Variants in EIF3K observed in about 807,000 individuals in gnomAD.
EIF3K encodes eukaryotic translation initiation factor 3 subunit K, also known as eIF-3 p28.
EIF3K carries 27 observed loss-of-function variants against 34.2 expected under a neutral mutation model. That is an observed-to-expected ratio of 0.79 (90% CI 0.58 to 1.09). The LOEUF (loss-of-function observed/expected upper bound fraction) is 1.09. Ranked by LOEUF, EIF3K falls within the 50% of genes least tolerant of loss-of-function variation. EIF3K has a pLI of 0.00. For synonymous variants in EIF3K, 105 were observed against 105.7 expected (o/e 0.99, Z 0.04); for missense variants, 232 against 275.4 (o/e 0.84, Z 1.11).
intron 6 of EIF3K, among the ~76,000 whole-genome samples, chr19:38,633,330 C>T (rs1976111523): frequency 6.6e-6 from 1 of 151,908 alleles, no homozygotes; most frequent in Non-Finnish European, 1.5e-5. Flanking sequence ...TTTTAAAGAT[C>T]CCCCCAAGAA....
Position 38,620,343 on chromosome 19 carries a change from TC to T in EIF3K, c.68del (p.Pro23LeufsTer11). ...KLLKGIDRYNPENLATLERYV... is the reference protein window; with the variant it reads ...KLLKGIDRYNXENLATLERYV... ...TATCTTGATTCTCCTTTAGGTACAATCCTGAGAACCTGGCCACCCTGGAGCG... is the reference window on the plus strand; with the variant it reads ...TATCTTGATTCTCCTTTAGGTACAATCTGAGAACCTGGCCACCCTGGAGCG... On this transcript the variant is annotated frameshift_variant, in exon 2 of 8. Coordinates refer to ENST00000248342, the MANE Select transcript of EIF3K (RefSeq NM_013234.4). LOFTEE classifies it high-confidence loss of function. The T allele has an allele frequency of 6.2e-7, 1 of 1,613,854 alleles. No individual in the cohort carries two copies. The highest frequency in any genetic ancestry group is 8.5e-7 in the Non-Finnish European group (1 of 1,179,930).
At chr19:38,626,469 C>T (rs1975953401) in intron 4 of EIF3K, 1 of 229,542 alleles carries the variant, frequency 4.4e-6, no homozygotes, top group Non-Finnish European at 8.6e-6. Context: ...GCCTGAGCAA[C>T]ATAGTGAAAC....
intron 2 of EIF3K, among the ~76,000 whole-genome samples, chr19:38,621,732 C>T (rs542013336): frequency 6.6e-6 from 1 of 152,266 alleles, no homozygotes; most frequent in African/African-American, 2.4e-5. Flanking sequence ...TTGCCATTTG[C>T]TACTCAGCAC....
Position 38,619,259 on chromosome 19 carries a change from G to C in EIF3K, c.-10G>C. The C allele has an allele frequency of 6.2e-7, 1 of 1,613,910 alleles. No homozygotes were observed. The highest frequency in any genetic ancestry group is 1.3e-5 in the African/African-American group (1 of 75,050). On this transcript the variant is annotated 5_prime_UTR_variant, in exon 1 of 8. Transcript: ENST00000248342. ...GCCTCCAGCCCTGGTTGTGGAAGGC[G>C]ACAGAAGTCATGGCGATGTTTGAGC...
chr19:38,626,791 GTTGTTTTTTGTTTGT>G (rs1199414833), intron 4 of EIF3K, among the ~76,000 whole-genome samples: 1 of 151,944 alleles, frequency 6.6e-6, no homozygotes, highest in Non-Finnish European at 1.5e-5. Context: ...AGTCTTTTTT[GTTGTTTTTTGTTTGT>G]TTGTTTTTTG....
At chr19:38,629,680 A>G (rs551963346) in intron 4 of EIF3K, among the ~76,000 whole-genome samples, 1 of 152,294 alleles carries the variant, frequency 6.6e-6, no homozygotes, top group Admixed American at 6.5e-5. Context: ...GAGAGAACCT[A>G]TACCACAGAC....
intron 4 of EIF3K, among the ~76,000 whole-genome samples, chr19:38,627,127 C>T (rs1373905220): frequency 6.6e-6 from 1 of 152,070 alleles, no homozygotes; most frequent in Non-Finnish European, 1.5e-5. Context: ...GCTGGGGTTA[C>T]AGGCATGTGC....
At position 38,632,634 on chromosome 19, in the gene EIF3K, A is replaced by G; in HGVS notation, c.455A>G (p.His152Arg). 1 of 1,613,922 alleles carries G rather than the reference A, an allele frequency of 6.2e-7. No homozygotes were observed. The highest frequency in any genetic ancestry group is 8.5e-7 in the Non-Finnish European group (1 of 1,179,916). Residue 152 changes from histidine (H) to arginine (R), a missense_variant, in exon 6 of 8, where the codon CAC becomes CGC. Physicochemically the swap from His to Arg is conservative, Grantham distance 29. Coordinates refer to ENST00000248342, the MANE Select transcript of EIF3K (RefSeq NM_013234.4). ...CATGTTGTGGGTATCACTTACCAGC[A>G]CATTGACCGCTGGCTGCTGGCCGAG... The part of the protein sequence containing the change: ...ICHVVGITYQ[H>R]IDRWLLAEML...
At chr19:38,624,265 A>G in intron 3 of EIF3K, 68 bp downstream of exon 3, 1 of 1,603,750 alleles carries the variant, frequency 6.2e-7, no homozygotes, top group South Asian at 1.1e-5. Flanking sequence ...ATGAATTCCC[A>G]GGGAGATGGT....
Position 38,624,038 on chromosome 19 carries a change from A to G in EIF3K, c.159-39A>G, listed in dbSNP as rs113305872. On this transcript the variant is annotated intron_variant, in intron 2 of 7. Coordinates refer to ENST00000248342, the MANE Select transcript of EIF3K (RefSeq NM_013234.4). ...CACCTGGTGAGGATTGGGGACTTGG[A>G]GGTGCCACTGTGGCCACGTCTCTTG... The G allele has an allele frequency of 9.5e-4, 1,529 of 1,613,370 alleles. 2 individuals are homozygous for G. The highest frequency in any genetic ancestry group is 1.2e-3 in the Non-Finnish European group (1,367 of 1,179,512).
intron 1 of EIF3K, 47 bp from the exon 2 acceptor site, chr19:38,620,290 C>T (rs373021041): frequency 1.7e-5 from 26 of 1,566,574 alleles, no homozygotes; most frequent in African/African-American, 2.7e-5. Context: ...GGTGGCTGGC[C>T]TCAGCTTCTG....
chr19:38,633,135 C>T (rs1213961184), intron 6 of EIF3K, among the ~76,000 whole-genome samples: 5 of 152,048 alleles, frequency 3.3e-5, no homozygotes, highest in East Asian at 1.9e-4. Context: ...TGACTTGTAA[C>T]GTTCATGGGT....
chr19:38,620,255 G>A, intron 1 of EIF3K, 82 bp from the exon 2 acceptor site: 1 of 1,186,012 alleles, frequency 8.4e-7, no homozygotes. Context: ...GGAGGAGCAG[G>A]TTACAGTGGC....
intron 4 of EIF3K, among the ~76,000 whole-genome samples, chr19:38,627,249 G>C (rs550659698): frequency 2.6e-4 from 39 of 152,106 alleles, no homozygotes; most frequent in Non-Finnish European, 4.1e-4. Context: ...GCCTCCCAAA[G>C]TGCTGGGATT....
Position 38,636,886 on chromosome 19 carries a change from C to A in EIF3K, c.626-3C>A, listed in dbSNP as rs970979489. 2 of 1,614,210 alleles carry A rather than the reference C, an allele frequency of 1.2e-6. No homozygotes were observed. Among genetic ancestry groups the A allele is most frequent in the African/African-American group, 1.3e-5 (1 of 75,054 alleles). ...CTTCAGTCTGGTCTCTCCTTCCCCA[C>A]AGGTGTGTCCAGCATCATGGCCTCC... is the stretch of plus-strand genomic sequence containing the variant. On this transcript the variant is annotated splice_polypyrimidine_tract_variant and splice_region_variant and intron_variant, in intron 7 of 7. Coordinates refer to ENST00000248342, the MANE Select transcript of EIF3K (RefSeq NM_013234.4).
At chr19:38,629,728 G>A (rs997268703) in intron 4 of EIF3K, among the ~76,000 whole-genome samples, 10 of 152,188 alleles carry the variant, frequency 6.6e-5, no homozygotes, top group African/African-American at 2.4e-4. Context: ...GGTGAGGGTG[G>A]TAGCCATGGA....
rs1311339501 is a variant in EIF3K, at chr19:38,636,895, C to T, written c.632C>T (p.Ser211Phe). 9.3e-6 allele frequency: 15 copies of T among 1,614,036 alleles called. No homozygotes were observed. The highest frequency in any genetic ancestry group is 1.2e-5 in the Non-Finnish European group (14 of 1,180,040). ...GGTCTCTCCTTCCCCACAGGTGTGT[C>T]CAGCATCATGGCCTCCTCCCAGTAA... ...IVEKIDFDSV[S>F]SIMASSQ is the part of the protein sequence containing the mutation. The change falls in exon 8 of 8, where the codon TCC becomes TTC. Residue 211 changes from serine to phenylalanine, a missense_variant. By Grantham distance (155) the Ser-to-Phe change is radical (BLOSUM62 -2). Transcript: ENST00000248342.
At chr19:38,620,244 G>A (rs1288716769) in intron 1 of EIF3K, 93 bp from the exon 2 acceptor site, 17 of 986,790 alleles carry the variant, frequency 1.7e-5, no homozygotes, top group South Asian at 9.5e-5. Flanking sequence ...GGGGAAGGGC[G>A]GGAGGAGCAG....
Position 38,624,131 on chromosome 19 carries a change from G to T in EIF3K, c.213G>T (p.Leu71=), listed in dbSNP as rs1975899457. 1 of 1,614,184 alleles carries T rather than the reference G, an allele frequency of 6.2e-7. No homozygotes were observed. Among genetic ancestry groups the T allele is most frequent in the Non-Finnish European group, 8.5e-7 (1 of 1,180,030 alleles). ...CCACGGTCACCGCCCAGATCCTGCT[G>T]AAGGCCCTCACCAACTTGCCGCACA... The part of the protein sequence containing the change: ...FQTTVTAQIL[L]KALTNLPHTD... Residue 71 remains leucine, a synonymous_variant, in exon 3 of 8, where the codon CTG becomes CTT. Transcript: ENST00000248342.
Sources: allele counts gnomAD v4.1 joint callset (sites outside exome capture counted in the v4.1 genomes callset), GRCh38; gene constraint gnomAD v4.1.1; transcripts MANE v1.5; gene names NCBI Gene and HGNC (gene_info 2026-07-23, HGNC 2026-07-21).